The following PIAS3 variants were observed in gnomAD, a reference collection of about 807,000 sequenced individuals.
PIAS3 encodes protein inhibitor of activated STAT 3.
A neutral mutation model predicts 67.6 loss-of-function variants in PIAS3; 34 were observed. The ratio of observed to expected loss-of-function variants is 0.50; its 90% CI spans 0.38 to 0.67. PIAS3 has a LOEUF of 0.67. Ranked by LOEUF, PIAS3 falls within the 30% of genes least tolerant of loss-of-function variation. The probability of loss-of-function intolerance (pLI) is 0.00; values close to 1 mark genes in which losing one functional copy is unlikely to be tolerated. For missense variants in PIAS3, 693 were observed against 791.6 expected (o/e 0.88, Z 1.49); for synonymous variants, 341 against 313.8 (o/e 1.09, Z -0.92).
intron 10 of PIAS3, 38 bp downstream of exon 10, chr1:145,850,982 C>T: frequency 6.2e-7 from 1 of 1,614,140 alleles, no homozygotes; most frequent in South Asian, 1.1e-5. Flanking sequence ...AGAGGCCATC[C>T]AAGATTTAGC....
At position 145,855,965 on chromosome 1, in the gene PIAS3, A is replaced by T. The variant is rs1472134465; in HGVS notation, c.578+103T>A. On this transcript the variant is annotated intron_variant, in intron 4 of 13. Transcript: ENST00000393045. ...CCAACAAGAGTCGCAGGGCTGCAGT[A>T]GGCAGTGGCAGAGCAGGGACATCTC... The T allele has an allele frequency of 3.7e-6, 4 of 1,080,840 alleles. No individual in the cohort carries two copies. In the Admixed American group the frequency reaches 6.8e-5, roughly 18 times the overall value. 67.0% of individuals were successfully genotyped at this position (1,080,840 alleles called of 1,614,324 possible).
Position 145,848,730 on chromosome 1 carries a change from A to C in PIAS3, c.*716T>G, listed in dbSNP as rs1484675489. 6.8e-6 allele frequency: 3 copies of C among 440,080 alleles called. No homozygotes were observed. In the East Asian group the frequency reaches 1.2e-4, roughly 18 times the overall value. The allele number at this position is 440,080 out of a possible 1,614,324, so 27.3% of individuals were successfully genotyped here. On this transcript the variant is annotated 3_prime_UTR_variant, in exon 14 of 14. Transcript: ENST00000393045. ...GCCTCTAGAAGCTTAGGGGGGAATA[A>C]GAAACACTGTGAACTTAGATATATA...
intron 6 of PIAS3, 36 bp downstream of exon 6, chr1:145,854,710 C>G (rs781833822): frequency 6.2e-7 from 1 of 1,614,120 alleles, no homozygotes; most frequent in Non-Finnish European, 8.5e-7. Context: ...TCACCCTCAG[C>G]AGGCTTTTCC....
At chr1:145,849,937 G>A in intron 13 of PIAS3, 1 of 1,422,130 alleles carries the variant, frequency 7.0e-7, no homozygotes, top group South Asian at 1.6e-5. Flanking sequence ...GGCTTTGTGG[G>A]CGTCTGAAAT....
chr1:145,856,983 C>T lies in PIAS3; in HGVS notation c.48G>A (p.Val16=). 1 of 1,614,120 alleles carries T rather than the reference C, an allele frequency of 6.2e-7. No homozygotes were observed. The highest frequency in any genetic ancestry group is 8.5e-7 in the Non-Finnish European group (1 of 1,179,988). The part of the protein sequence containing the change: ...ELKHMVMSFR[V]SELQVLLGFA... ...AGCCAAGAAGCACCTGGAGCTCAGA[C>T]ACCCGGAAACTCATCACCATGTGCT... The change falls in exon 2 of 14, where the codon GTG becomes GTA. Residue 16 remains valine (V), a synonymous_variant. Coordinates refer to ENST00000393045, the MANE Select transcript of PIAS3 (RefSeq NM_006099.3).
At chr1:145,857,071 G>C in intron 1 of PIAS3, 65 bp from the exon 2 acceptor site, 1 of 1,439,814 alleles carries the variant, frequency 6.9e-7, no homozygotes, top group Middle Eastern at 1.8e-4. Flanking sequence ...CCAAGACATG[G>C]GCTGAGCTAC....
At position 145,850,485 on chromosome 1, in the gene PIAS3, G is replaced by A; in HGVS notation, c.1550C>T (p.Pro517Leu). 3 of 1,614,206 alleles carry A rather than the reference G, an allele frequency of 1.9e-6. No individual in the cohort carries two copies. Among genetic ancestry groups the A allele is most frequent in the Non-Finnish European group, 1.7e-6 (2 of 1,180,032 alleles). Residue 517 changes from proline to leucine, a missense_variant, in exon 12 of 14, where the codon CCA becomes CTA. Physicochemically the swap from Pro to Leu is moderately conservative, Grantham distance 98. Transcript: ENST00000393045. ...GTCGGCTCCCAGTGGGAAGGCAGGT[G>A]GGTACTCATGTAGTGGGAGACTGGA... ...FLSSLPLHEY[P>L]PAFPLGADIQ...
intron 7 of PIAS3, 41 bp from the exon 8 acceptor site, chr1:145,853,927 C>T: frequency 6.3e-7 from 1 of 1,579,356 alleles, no homozygotes; most frequent in South Asian, 1.1e-5. Context: ...GTCAGCAAGG[C>T]TGGAGGAAGC....
chr1:145,853,421 A>G (rs1653037809), intron 9 of PIAS3, 83 bp downstream of exon 9: 3 of 1,196,858 alleles, frequency 2.5e-6, no homozygotes, highest in African/African-American at 3.1e-5. Context: ...AAAAAAAAAA[A>G]AAGAAAAGAA....
intron 9 of PIAS3, among the ~76,000 whole-genome samples, chr1:145,852,541 GTTTTTTTTTTTC>G (rs1236330381): frequency 2.1e-5 from 3 of 144,880 alleles, no homozygotes; most frequent in African/African-American, 7.6e-5. Flanking sequence ...ATCTCATAGG[GTTTTTTTTTTTC>G]TTTTTTTTTT....
At chr1:145,855,871 T>A in intron 4 of PIAS3, 45 bp from the exon 5 acceptor site, 2 of 1,278,904 alleles carry the variant, frequency 1.6e-6, no homozygotes, top group Non-Finnish European at 2.3e-6. Flanking sequence ...AGAAATTTCT[T>A]AACTTGAATC....
At chr1:145,853,197 G>T (rs1553734719) in intron 9 of PIAS3, among the ~76,000 whole-genome samples, 1 of 152,082 alleles carries the variant, frequency 6.6e-6, no homozygotes, top group African/African-American at 2.4e-5. Flanking sequence ...ATCACCTGAG[G>T]TCAGGAGTTC....
chr1:145,855,593 T>C, intron 5 of PIAS3, 143 bp downstream of exon 5: 1 of 646,718 alleles, frequency 1.5e-6, no homozygotes, highest in Non-Finnish European at 2.8e-6. Flanking sequence ...CTCTCGAGAT[T>C]CTATTGATTC....
Position 145,854,898 on chromosome 1 carries a change from TG to T in PIAS3, c.670-19del. On this transcript the variant is annotated intron_variant, in intron 5 of 13. Coordinates refer to ENST00000393045, the MANE Select transcript of PIAS3 (RefSeq NM_006099.3). ...AGGTAACCCTGGAGAAGGGAGGGATTGGTCAGTGGAGAAGTGGCTCTGGGAA... is the reference window on the plus strand; with the variant it reads ...AGGTAACCCTGGAGAAGGGAGGGATTGTCAGTGGAGAAGTGGCTCTGGGAA... 6.2e-7 allele frequency: 1 copy of T among 1,613,850 alleles called. No homozygotes were observed. Among genetic ancestry groups the T allele is most frequent in the Non-Finnish European group, 8.5e-7 (1 of 1,179,818 alleles).
chr1:145,849,968 G>A, intron 13 of PIAS3: 1 of 1,427,852 alleles, frequency 7.0e-7, no homozygotes, highest in South Asian at 1.6e-5. Context: ...TCCGGTTAGA[G>A]CAGGCATGGT....
chr1:145,854,395 G>T, intron 7 of PIAS3, 63 bp downstream of exon 7: 1 of 1,145,714 alleles, frequency 8.7e-7, no homozygotes, highest in Non-Finnish European at 1.3e-6. Flanking sequence ...AATTATGAAG[G>T]CTGGAGGGCC....
chr1:145,857,078 C>T, intron 1 of PIAS3, 72 bp from the exon 2 acceptor site: 1 of 1,378,604 alleles, frequency 7.3e-7, no homozygotes, highest in South Asian at 1.3e-5. Flanking sequence ...ATGGGCTGAG[C>T]TACCAGGTGG....
At chr1:145,856,173 G>C (rs1401062213) in intron 3 of PIAS3, 55 bp from the exon 4 acceptor site, 1 of 1,484,976 alleles carries the variant, frequency 6.7e-7, no homozygotes, top group South Asian at 1.1e-5. Flanking sequence ...AGAGGGCAAG[G>C]GTGAATGCAC....
intron 7 of PIAS3, chr1:145,854,253 T>C (rs1228578902): frequency 1.2e-5 from 7 of 604,312 alleles, no homozygotes; most frequent in Admixed American, 2.9e-5. Flanking sequence ...AGATACATGA[T>C]TGGAAATTCA....
Sources: gnomAD v4.1 joint callset for allele counts (sites outside exome capture counted in the v4.1 genomes callset) on GRCh38, gnomAD v4.1.1 for gene constraint, MANE v1.5 for transcripts, NCBI Gene and HGNC (gene_info 2026-07-23, HGNC 2026-07-21) for gene names.